Variants in PTPRD observed in about 807,000 individuals in gnomAD.
PTPRD encodes protein tyrosine phosphatase receptor type D, also known as receptor-type tyrosine-protein phosphatase delta.
Under a neutral mutation model 214.5 loss-of-function variants are expected in PTPRD, and 34 were observed. The observed-to-expected ratio is 0.16, with a 90% CI of 0.12 to 0.21. The LOEUF is 0.21. Ranked by LOEUF, PTPRD falls within the 10% of genes least tolerant of loss-of-function variation. The pLI, the probability that PTPRD is intolerant of heterozygous loss-of-function variation, is 1.00. For missense variants in PTPRD, 2,545 were observed against 2,398.7 expected, an observed-to-expected ratio of 1.06 and a Z score of -1.27; for synonymous variants, 1,128 against 845.7, an observed-to-expected ratio of 1.33 and a Z score of -5.79.
At position 10,293,365 on chromosome 9, in the gene PTPRD, A is replaced by C. The variant is rs181889086; in HGVS notation, c.-545+47598T>G. On this transcript the variant is annotated intron_variant, in intron 3 of 45. Coordinates refer to ENST00000381196, the MANE Select transcript of PTPRD (RefSeq NM_002839.4). ...TATATCAATTTAAAAACAGACACAC[A>C]CATTAGAAATGGACATTGTTTCAAG... Among the ~76,000 whole-genome samples, 205 of 152,130 alleles carry C rather than the reference A, an allele frequency of 1.3e-3. 1 individual carries two copies. Among genetic ancestry groups the C allele is most frequent in the African/African-American group, 4.4e-3 (183 of 41,562 alleles).
At chr9:9,214,250 T>C (rs1019720737) in intron 9 of PTPRD, among the ~76,000 whole-genome samples, 2 of 152,186 alleles carry the variant, frequency 1.3e-5, no homozygotes, top group Non-Finnish European at 2.9e-5. Flanking sequence ...CCAGATGCCC[T>C]CCAGCTAGTG....
At chr9:10,507,554 C>T (rs1589689697) in intron 2 of PTPRD, among the ~76,000 whole-genome samples, 1 of 152,134 alleles carries the variant, frequency 6.6e-6, no homozygotes, top group East Asian at 1.9e-4. Context: ...AACTATACTA[C>T]AAGACTACAG....
chr9:10,431,908 C>T (rs2098683021), intron 2 of PTPRD, among the ~76,000 whole-genome samples: 1 of 151,958 alleles, frequency 6.6e-6, no homozygotes, highest in Non-Finnish European at 1.5e-5. Context: ...GCTAGAAATA[C>T]CATTTGACCC....
intron 8 of PTPRD, among the ~76,000 whole-genome samples, chr9:9,412,451 C>T (rs2075751338): frequency 6.6e-6 from 1 of 150,678 alleles, no homozygotes; most frequent in African/African-American, 2.5e-5. Flanking sequence ...CAGGTCTGGG[C>T]ACAGATAGAG....
At chr9:9,303,172 GCAAA>G (rs1956052806) in intron 9 of PTPRD, among the ~76,000 whole-genome samples, 1 of 151,962 alleles carries the variant, frequency 6.6e-6, no homozygotes, top group South Asian at 2.1e-4. Context: ...TATTCGCAAT[GCAAA>G]CAGACTTTCT....
At chr9:9,701,545 G>C (rs892488943) in intron 7 of PTPRD, among the ~76,000 whole-genome samples, 1 of 152,144 alleles carries the variant, frequency 6.6e-6, no homozygotes, top group Non-Finnish European at 1.5e-5. Context: ...TATTTGGGAA[G>C]GCATTGATGA....
At chr9:9,324,608 T>A in intron 9 of PTPRD, among the ~76,000 whole-genome samples, 1 of 152,182 alleles carries the variant, frequency 6.6e-6, no homozygotes, top group Non-Finnish European at 1.5e-5. Context: ...GACAGATAGG[T>A]AGATTGCAAA....
intron 7 of PTPRD, among the ~76,000 whole-genome samples, chr9:9,615,030 G>C (rs2094770510): frequency 6.6e-6 from 1 of 152,176 alleles, no homozygotes; most frequent in African/African-American, 2.4e-5. Flanking sequence ...GCAATTTCCA[G>C]CCCAGGCCAG....
At chr9:9,069,259 T>A (rs1007163680) in intron 10 of PTPRD, among the ~76,000 whole-genome samples, 22 of 152,310 alleles carry the variant, frequency 1.4e-4, no homozygotes, top group Admixed American at 7.8e-4. Context: ...ATCGAAAAAG[T>A]ATCTTTATTT....
intron 5 of PTPRD, among the ~76,000 whole-genome samples, chr9:9,915,131 G>C (rs571768620): frequency 6.6e-6 from 1 of 152,262 alleles, no homozygotes; most frequent in East Asian, 1.9e-4. Context: ...GCATGGGTTA[G>C]AGCTGTAGAA....
At chr9:8,618,441 T>C (rs2095685807) in intron 14 of PTPRD, among the ~76,000 whole-genome samples, 1 of 152,056 alleles carries the variant, frequency 6.6e-6, no homozygotes, top group African/African-American at 2.4e-5. Flanking sequence ...AAACATATTG[T>C]GTATAAAGCC....
chr9:8,328,860 G>A (rs944347824), intron 44 of PTPRD, among the ~76,000 whole-genome samples: 2 of 152,014 alleles, frequency 1.3e-5, no homozygotes, highest in Non-Finnish European at 2.9e-5. Flanking sequence ...ATCTTGTGCT[G>A]TGTTTTTCAG....
chr9:9,356,001 G>A (rs527406909), intron 9 of PTPRD, among the ~76,000 whole-genome samples: 2 of 151,442 alleles, frequency 1.3e-5, no homozygotes, highest in South Asian at 2.1e-4. Context: ...CTAGAGCATT[G>A]GATTTAGCAA....
At chr9:10,005,074 A>C (rs2096443232) in intron 4 of PTPRD, among the ~76,000 whole-genome samples, 1 of 152,160 alleles carries the variant, frequency 6.6e-6, no homozygotes, top group Admixed American at 6.6e-5. Context: ...GCCTAAGTGT[A>C]AAACGTGGAC....
chr9:9,932,062 C>T (rs1280701227), intron 5 of PTPRD, among the ~76,000 whole-genome samples: 3 of 150,420 alleles, frequency 2.0e-5, no homozygotes, highest in African/African-American at 7.4e-5. Context: ...ACATCCACAC[C>T]AAAAACCCAT....
At chr9:9,955,526 GTTTTTTTTTT>G (rs779657484) in intron 4 of PTPRD, among the ~76,000 whole-genome samples, 63 of 134,120 alleles carry the variant, frequency 4.7e-4, no homozygotes, top group Non-Finnish European at 7.3e-4. Flanking sequence ...GTTTTGTTTT[GTTTTTTTTTT>G]TTTTTGAGAC....
chr9:8,729,030 A>G (rs201754179), intron 12 of PTPRD, among the ~76,000 whole-genome samples: 1 of 152,148 alleles, frequency 6.6e-6, no homozygotes, highest in East Asian at 1.9e-4. Flanking sequence ...TGGTCATATC[A>G]ATGGCCACTC....
intron 2 of PTPRD, among the ~76,000 whole-genome samples, chr9:10,361,027 G>C (rs189965778): frequency 1.7e-3 from 259 of 152,194 alleles, no homozygotes; most frequent in African/African-American, 6.1e-3. Context: ...GCGTGAACAC[G>C]GGAGGCGGAG....
At chr9:8,446,309 T>A (rs141840011) in intron 34 of PTPRD, among the ~76,000 whole-genome samples, 9 of 152,358 alleles carry the variant, frequency 5.9e-5, no homozygotes, top group African/African-American at 2.2e-4. Context: ...ACTTCTTAAA[T>A]CTCGATTCTC....
Sources: gnomAD v4.1 joint callset for allele counts (sites outside exome capture counted in the v4.1 genomes callset) on GRCh38, gnomAD v4.1.1 for gene constraint, MANE v1.5 for transcripts, NCBI Gene and HGNC (gene_info 2026-07-23, HGNC 2026-07-21) for gene names.